Variants in VAV2 observed in about 807,000 individuals in gnomAD.
VAV2 encodes vav guanine nucleotide exchange factor 2, also known as guanine nucleotide exchange factor VAV2.
Under a neutral mutation model 132.5 loss-of-function variants are expected in VAV2, and 67 were observed. The observed-to-expected ratio is 0.51, with a 90% CI of 0.42 to 0.62. VAV2 has a LOEUF of 0.62. Among genes scored for constraint, VAV2 ranks in the 20% least tolerant of loss-of-function variants. The pLI, the probability that VAV2 is intolerant of heterozygous loss-of-function variation, is 0.00. For missense variants in VAV2, 938 were observed against 1,153.6 expected, an observed-to-expected ratio of 0.81 and a Z score of 2.71; for synonymous variants, 492 against 443.5, an observed-to-expected ratio of 1.11 and a Z score of -1.37.
intron 25 of VAV2, among the ~76,000 whole-genome samples, chr9:133,772,541 C>T (rs1833666551): frequency 6.6e-6 from 1 of 151,712 alleles, no homozygotes; most frequent in African/African-American, 2.4e-5. Flanking sequence ...TCCTTCTGTC[C>T]TCAAGGCCCC....
At chr9:133,921,291 CTGAA>C (rs141386808) in intron 2 of VAV2, among the ~76,000 whole-genome samples, 4 of 152,200 alleles carry the variant, frequency 2.6e-5, no homozygotes, top group South Asian at 2.1e-4. Flanking sequence ...GCCATGTTTG[CTGAA>C]TGAATGAATG....
chr9:133,766,700 T>C lies in VAV2; in HGVS notation c.2589+1742A>G, dbSNP rs551106124. On this transcript the variant is annotated intron_variant, in intron 29 of 29. Coordinates refer to ENST00000371850, the MANE Select transcript of VAV2 (RefSeq NM_001134398.2). ...GCAGCACACCAACATGGCACATGTATACATATGTAACAAACCTGCACATTG... is the reference window on the plus strand; with the variant it reads ...GCAGCACACCAACATGGCACATGTACACATATGTAACAAACCTGCACATTG... Among the ~76,000 whole-genome samples, 3 of 149,142 alleles carry C rather than the reference T, an allele frequency of 2.0e-5. No homozygotes were observed. In the East Asian group the frequency reaches 5.8e-4, roughly 29 times the overall value.
chr9:133,930,872 C>G (rs632626), intron 2 of VAV2, among the ~76,000 whole-genome samples: 37,096 of 152,184 alleles, frequency 0.24, 4,748 homozygotes, highest in East Asian at 0.45. Flanking sequence ...GAGCCACCCC[C>G]AGACAGTGCT....
Position 133,912,579 on chromosome 9 carries a change from C to T in VAV2, c.321+26524G>A, listed in dbSNP as rs1280009339. ...ACGGGGAGAGGTTCCTGCACCCTAA[C>T]GTGTTGCTTCTCTGCCCATTTCAAT... On this transcript the variant is annotated intron_variant, in intron 2 of 29. Transcript: ENST00000371850. The surrounding 1 kb of genome is among the most constrained non-coding windows in gnomAD (Gnocchi z 4.3). 6.6e-6 allele frequency among the ~76,000 whole-genome samples: 1 copy of T among 152,138 alleles called. No individual in the cohort carries two copies. Among genetic ancestry groups the T allele is most frequent in the African/African-American group, 2.4e-5 (1 of 41,424 alleles).
rs552357840 is a variant in VAV2, at chr9:133,855,900, C to A, written c.380+5474G>T. Among the ~76,000 whole-genome samples the A allele has an allele frequency of 2.0e-5, 3 of 152,334 alleles. No individual in the cohort carries two copies. The South Asian group carries it at 6.2e-4, about 32-fold the overall frequency. On this transcript the variant is annotated intron_variant, in intron 3 of 29. Transcript: ENST00000371850. The stretch of plus-strand genomic sequence containing the variant: ...AGTCACAGGAGCCAAAAGGTGGAAA[C>A]AGGCCAGAGTTCATCACGTGATAAA...
At chr9:133,925,896 T>C (rs1251115125) in intron 2 of VAV2, 1 of 151,324 alleles carries the variant, frequency 6.6e-6, no homozygotes, top group East Asian at 1.9e-4. Flanking sequence ...GCTTTTTTGC[T>C]GCAAACATCA....
chr9:133,980,501 T>C (rs1471973459), intron 1 of VAV2, among the ~76,000 whole-genome samples: 1 of 152,204 alleles, frequency 6.6e-6, no homozygotes, highest in African/African-American at 2.4e-5. Flanking sequence ...ACTGGGGTGC[T>C]GCCCCCGACC....
intron 4 of VAV2, among the ~76,000 whole-genome samples, chr9:133,825,241 C>T (rs917427019): frequency 7.2e-5 from 11 of 152,038 alleles, no homozygotes; most frequent in African/African-American, 2.2e-4. Context: ...GGCCATCACC[C>T]GCCTTAAGAA....
At chr9:133,829,217 T>C (rs955041817) in intron 4 of VAV2, among the ~76,000 whole-genome samples, 2 of 152,234 alleles carry the variant, frequency 1.3e-5, no homozygotes, top group Non-Finnish European at 2.9e-5. Context: ...GGCCCTCCAT[T>C]TGGGCTTATT....
intron 3 of VAV2, among the ~76,000 whole-genome samples, chr9:133,843,886 G>A (rs1836824551): frequency 6.6e-6 from 1 of 152,172 alleles, no homozygotes; most frequent in Non-Finnish European, 1.5e-5. Flanking sequence ...GGAAGGTGGG[G>A]GCACTGAGGC....
intron 5 of VAV2, 93 bp from the exon 6 acceptor site, chr9:133,810,298 C>G: frequency 6.3e-7 from 1 of 1,578,892 alleles, no homozygotes; most frequent in South Asian, 1.1e-5. Flanking sequence ...GAACGCCACC[C>G]CACAACCAGC....
At chr9:133,786,086 T>C in intron 16 of VAV2, 1 of 624,364 alleles carries the variant, frequency 1.6e-6, no homozygotes, top group South Asian at 1.7e-5. Flanking sequence ...TGCCTCTGTA[T>C]GCATGCATGT....
intron 2 of VAV2, among the ~76,000 whole-genome samples, chr9:133,938,212 C>T (rs1003525956): frequency 3.3e-5 from 5 of 152,220 alleles, no homozygotes; most frequent in Admixed American, 1.3e-4. Context: ...TCCATTCTCC[C>T]GGTGGTCCAG....
intron 2 of VAV2, among the ~76,000 whole-genome samples, chr9:133,923,990 G>A (rs1354276776): frequency 1.3e-5 from 2 of 151,974 alleles, no homozygotes; most frequent in African/African-American, 4.8e-5. Context: ...GCAGCCTGTC[G>A]GGGGGTGGGG....
intron 9 of VAV2, among the ~76,000 whole-genome samples, chr9:133,801,452 C>G (rs73663847): frequency 0.048 from 7,335 of 152,304 alleles, 283 homozygotes; most frequent in African/African-American, 0.11. Flanking sequence ...CCTCAGGGCC[C>G]CAGGGTGACG....
chr9:133,810,487 T>C (rs190459438), intron 5 of VAV2, among the ~76,000 whole-genome samples: 138 of 152,292 alleles, frequency 9.1e-4, no homozygotes, highest in African/African-American at 3.2e-3. Flanking sequence ...ACTGGGGCTG[T>C]TCAGAGAGCT....
chr9:133,930,651 C>T (rs1840653356), intron 2 of VAV2, among the ~76,000 whole-genome samples: 3 of 152,280 alleles, frequency 2.0e-5, no homozygotes, highest in Admixed American at 2.0e-4. Context: ...CCGCAGAGCA[C>T]ACGTGAGATG....
At chr9:133,982,203 A>G (rs1842715727) in intron 1 of VAV2, among the ~76,000 whole-genome samples, 1 of 152,206 alleles carries the variant, frequency 6.6e-6, no homozygotes, top group African/African-American at 2.4e-5. Context: ...TGGGAGGCAC[A>G]GGAAGGTGGC....
In VAV2 at chr9:133,890,021, GTAAC is replaced by G. The variant is rs548308652; in HGVS notation, c.322-28593_322-28590del. ...TCATCCTGGCTGGGAAAATTAGCTAGTAACTAACAGGATATGGGCACACTCCGGG... is the reference window on the plus strand; with the variant it reads ...TCATCCTGGCTGGGAAAATTAGCTAGTAACAGGATATGGGCACACTCCGGG... On this transcript the variant is annotated intron_variant, in intron 2 of 29. Coordinates refer to ENST00000371850, the MANE Select transcript of VAV2 (RefSeq NM_001134398.2). Among the ~76,000 whole-genome samples the G allele has an allele frequency of 2.6e-4, 40 of 152,320 alleles. No individual in the cohort carries two copies. In the East Asian group the frequency reaches 7.3e-3, roughly 28 times the overall value.
Sources: gnomAD v4.1 joint callset for allele counts (sites outside exome capture counted in the v4.1 genomes callset) on GRCh38, gnomAD v4.1.1 for gene constraint, Gnocchi (gnomAD v3.1) non-coding constraint, MANE v1.5 for transcripts, NCBI Gene and HGNC (gene_info 2026-07-23, HGNC 2026-07-21) for gene names.